Variants in PCDHGB4 observed in about 807,000 individuals in gnomAD.
The protein encoded by PCDHGB4 is protocadherin gamma-B4.
Under a neutral mutation model 60.5 loss-of-function variants are expected in PCDHGB4, and 38 were observed. That is an observed-to-expected ratio of 0.63 (90% confidence interval 0.48 to 0.82). PCDHGB4 has a LOEUF of 0.82. PCDHGB4 is among the 40% of genes least tolerant of loss of function. The pLI, the probability that PCDHGB4 is intolerant of heterozygous loss-of-function variation, is 0.00. For synonymous variants in PCDHGB4, 456 were observed against 509.7 expected (o/e 0.89, Z 1.42); for missense variants, 1,109 against 1,209.6 (o/e 0.92, Z 1.23).
chr5:141,401,836 A>G (rs1400731084), intron 1 of PCDHGB4, among the ~76,000 whole-genome samples: 3 of 152,204 alleles, frequency 2.0e-5, no homozygotes, highest in Admixed American at 1.3e-4. Flanking sequence ...GATTTCTTAT[A>G]ATACCACTTA....
chr5:141,428,618 T>G (rs554092834), intron 1 of PCDHGB4: 12 of 206,130 alleles, frequency 5.8e-5, no homozygotes, highest in Admixed American at 2.6e-4. Context: ...AATAACAAGA[T>G]AAGCTCTAAC....
rs1462148828 is a variant in PCDHGB4 at position 141,392,863 on chromosome 5, G to A, written c.2397+2582G>A. On this transcript the variant is annotated intron_variant, in intron 1 of 3. Transcript: ENST00000519479. ...AGACGCGGCGAGCTGATCCTGCTGT[G>A]CGCGCTGCTGGGAACGCTGTGGGAA... 3 of 1,612,774 alleles carry A rather than the reference G, an allele frequency of 1.9e-6. No individual in the cohort carries two copies. Among genetic ancestry groups the A allele is most frequent in the African/African-American group, 2.7e-5 (2 of 74,930 alleles).
In PCDHGB4 at chr5:141,390,042, G is replaced by A; in HGVS notation, c.2158G>A (p.Ala720Thr). Reference sequence around the variant, plus strand: ...GCGCCTGCGACGCTCCTCCAGCCCCGCCTCCTGGAGCTGCTTCCAGCCTGG... The same window carrying A: ...GCGCCTGCGACGCTCCTCCAGCCCCACCTCCTGGAGCTGCTTCCAGCCTGG... Reference protein sequence around the residue: ...ALRLRRSSSPASWSCFQPGLC... With the variant: ...ALRLRRSSSPTSWSCFQPGLC... The change falls in exon 1 of 4, where the codon GCC becomes ACC. Residue 720 changes from alanine (A) to threonine (T), a missense_variant. By Grantham distance (58) the Ala-to-Thr change is moderately conservative (BLOSUM62 0). Around this residue, in one of 2 missense-constraint regions of PCDHGB4, gnomAD observed 1,068 missense variants for 1,089.9 expected, o/e 0.98. Coordinates refer to ENST00000519479, the MANE Select transcript of PCDHGB4 (RefSeq NM_003736.4). 6.2e-7 allele frequency: 1 copy of A among 1,614,034 alleles called. No individual in the cohort carries two copies. Among genetic ancestry groups the A allele is most frequent in the Non-Finnish European group, 8.5e-7 (1 of 1,179,904 alleles).
chr5:141,394,925 C>T (rs771405918), intron 1 of PCDHGB4: 9 of 1,613,696 alleles, frequency 5.6e-6, no homozygotes, highest in South Asian at 1.1e-5. Context: ...CCTGTGTCTT[C>T]CTCGCCTTTG....
intron 1 of PCDHGB4, chr5:141,408,641 T>G: frequency 6.2e-7 from 1 of 1,614,034 alleles, no homozygotes; most frequent in Non-Finnish European, 8.5e-7. Context: ...CGAATCTGCA[T>G]CCGCTGGTAC....
chr5:141,511,304 CTTGGGAAA>C lies in PCDHGB4; in HGVS notation c.*132_*139del. ...TGGTAGGGGCCAAGGCCATGCTCCC[CTTGGGAAA>C]CAGAAACAAGTGCCCAGTCAGCACC... is the stretch of plus-strand genomic sequence containing the variant. On this transcript the variant is annotated 3_prime_UTR_variant, in exon 4 of 4. Transcript: ENST00000519479. The C allele has an allele frequency of 2.0e-6, 3 of 1,490,438 alleles. No individual in the cohort carries two copies. The South Asian group carries it at 4.0e-5, about 20-fold the overall frequency. 92.3% of individuals were successfully genotyped at this position (1,490,438 alleles called of 1,614,324 possible). A position where few individuals can be genotyped will look rare whatever the true frequency, so the allele number is the denominator to read the frequency against.
At chr5:141,404,623 C>T in intron 1 of PCDHGB4, 3 of 1,614,154 alleles carry the variant, frequency 1.9e-6, no homozygotes, top group Non-Finnish European at 2.5e-6. Context: ...ACCAGAATGA[C>T]AATGCCCCAG....
chr5:141,400,163 A>G, intron 1 of PCDHGB4: 1 of 1,613,830 alleles, frequency 6.2e-7, no homozygotes, highest in Non-Finnish European at 8.5e-7. Flanking sequence ...GTACCCTCTG[A>G]CCCCCAGGCT....
Position 141,477,114 on chromosome 5 carries a change from G to C in PCDHGB4, c.2398-17693G>C. ...AAAGACAAGGGCGCCAATCCCGAAG[G>C]AGCACATTGCAAAGTGTTGGTGGAG... is the stretch of plus-strand genomic sequence containing the variant. On this transcript the variant is annotated intron_variant, in intron 1 of 3. Coordinates refer to ENST00000519479, the MANE Select transcript of PCDHGB4 (RefSeq NM_003736.4). This position sits in a 1 kb window ranked among gnomAD's most constrained non-coding sequence, Gnocchi z 4.9. 4.3e-6 allele frequency: 7 copies of C among 1,614,234 alleles called. No homozygotes were observed. Among genetic ancestry groups the C allele is most frequent in the Non-Finnish European group, 5.9e-6 (7 of 1,180,046 alleles).
chr5:141,503,164 C>G (rs1262310388), intron 2 of PCDHGB4, among the ~76,000 whole-genome samples: 2 of 152,068 alleles, frequency 1.3e-5, no homozygotes, highest in East Asian at 3.9e-4. Flanking sequence ...ATCACAATTG[C>G]AATTACTCTA....
chr5:141,413,530 A>G (rs879218343), intron 1 of PCDHGB4: 1 of 1,613,954 alleles, frequency 6.2e-7, no homozygotes, highest in Non-Finnish European at 8.5e-7. Context: ...AGACAGGGTG[A>G]AACTTTTTGG....
chr5:141,398,171 C>T (rs773536231), intron 1 of PCDHGB4: 3 of 1,476,352 alleles, frequency 2.0e-6, no homozygotes, highest in Non-Finnish European at 2.7e-6. Flanking sequence ...GAGAGGCTGC[C>T]AGTGCTCTTT....
At chr5:141,395,389 G>A in intron 1 of PCDHGB4, 1 of 986,786 alleles carries the variant, frequency 1.0e-6, no homozygotes, top group South Asian at 1.8e-5. Context: ...CTATAAAATT[G>A]AACTCTAATA....
At chr5:141,398,372 G>C in intron 1 of PCDHGB4, 1 of 1,437,202 alleles carries the variant, frequency 7.0e-7, no homozygotes, top group Non-Finnish European at 9.7e-7. Context: ...GCAGAGAGCG[G>C]GGAGTTGCTT....
chr5:141,433,993 T>C (rs1367687577), intron 1 of PCDHGB4, among the ~76,000 whole-genome samples: 1 of 152,216 alleles, frequency 6.6e-6, no homozygotes, highest in Admixed American at 6.5e-5. Flanking sequence ...GAGTTTTATA[T>C]TCTCTATATA....
intron 1 of PCDHGB4, chr5:141,433,359 CT>C: frequency 8.7e-6 from 2 of 228,708 alleles, no homozygotes; most frequent in Non-Finnish European, 1.6e-5. Context: ...TACTGTCTGC[CT>C]ATCTATCTAT....
chr5:141,459,510 T>G (rs1449866159), intron 1 of PCDHGB4, among the ~76,000 whole-genome samples: 1 of 152,252 alleles, frequency 6.6e-6, no homozygotes, highest in Non-Finnish European at 1.5e-5. Context: ...TGAACAATCA[T>G]GTACAAGTAT....
intron 1 of PCDHGB4, among the ~76,000 whole-genome samples, chr5:141,407,044 A>G (rs972892343): frequency 6.6e-6 from 1 of 152,246 alleles, no homozygotes; most frequent in African/African-American, 2.4e-5. Flanking sequence ...TGTGATCCAT[A>G]GATACACTGA....
At position 141,511,963 on chromosome 5, in the gene PCDHGB4, AGT is replaced by A. The variant is rs1204123000; in HGVS notation, c.*796_*797del. On this transcript the variant is annotated 3_prime_UTR_variant, in exon 4 of 4. Transcript: ENST00000519479. ...ATGGGGTGGTAAGATAAGGAAGGGA[AGT>A]GTGTGGATGTGGATGGTGGGGGCAT... 1 of 153,636 alleles carries A rather than the reference AGT, an allele frequency of 6.5e-6. No individual in the cohort carries two copies. 9.5% of individuals were successfully genotyped at this position (153,636 alleles called of 1,614,324 possible).
Sources: allele counts gnomAD v4.1 joint callset (sites outside exome capture counted in the v4.1 genomes callset), GRCh38; gene constraint gnomAD v4.1.1; regional missense constraint gnomAD v4.1.1; non-coding constraint Gnocchi (gnomAD v3.1); transcripts MANE v1.5; gene names NCBI Gene and HGNC (gene_info 2026-07-23, HGNC 2026-07-21).